Variants in LRP11 observed in about 807,000 individuals in gnomAD.
The protein encoded by LRP11 is LDL receptor related protein 11.
In LRP11, 25 loss-of-function variants were observed where a neutral mutation model predicts 43.1. The observed-to-expected ratio is 0.58, with a 90% CI of 0.42 to 0.81. The LOEUF (loss-of-function observed/expected upper bound fraction) is 0.81. Among genes scored for constraint, LRP11 ranks in the 30% least tolerant of loss-of-function variants. LRP11 has a pLI of 0.00. For missense variants in LRP11, 623 were observed against 665.1 expected, an observed-to-expected ratio of 0.94 and a Z score of 0.70; for synonymous variants, 316 against 299.4, an observed-to-expected ratio of 1.06 and a Z score of -0.57.
chr6:149,862,368 T>C (rs1173060189), intron 1 of LRP11, among the ~76,000 whole-genome samples: 1 of 152,168 alleles, frequency 6.6e-6, no homozygotes, highest in African/African-American at 2.4e-5. Context: ...CAACAGGGCA[T>C]GATTAAACAC....
At chr6:149,860,824 T>C (rs886508483) in intron 1 of LRP11, among the ~76,000 whole-genome samples, 5 of 152,154 alleles carry the variant, frequency 3.3e-5, no homozygotes, top group African/African-American at 9.7e-5. Context: ...GGAGAAAGCA[T>C]AGGAGTTCAG....
intron 6 of LRP11, chr6:149,826,015 T>C (rs995935338): frequency 4.3e-6 from 2 of 463,698 alleles, no homozygotes; most frequent in African/African-American, 3.9e-5. Context: ...GCCACAAGTA[T>C]GACATTTTCC....
Position 149,863,579 on chromosome 6 carries a change from G to T in LRP11, c.442C>A (p.Pro148Thr). Reference protein sequence around the residue: ...PRCSVAVVELPRRPAPPAAVL... With the variant: ...PRCSVAVVELTRRPAPPAAVL... ...GCTGCCGGGGGCGCGGGGCGCCGGG[G>T]CAGCTCCACCACGGCCACGGAGCAG... The change falls in exon 1 of 7, where the codon CCC becomes ACC. Residue 148 changes from proline (P) to threonine (T), a missense_variant. By Grantham distance (38) the Pro-to-Thr change is conservative. Coordinates refer to ENST00000239367, the MANE Select transcript of LRP11 (RefSeq NM_032832.6). 1 of 1,410,208 alleles carries T rather than the reference G, an allele frequency of 7.1e-7. No individual in the cohort carries two copies. Among genetic ancestry groups the T allele is most frequent in the Non-Finnish European group, 9.2e-7 (1 of 1,087,240 alleles). 87.4% of individuals were successfully genotyped at this position (1,410,208 alleles called of 1,614,324 possible).
At chr6:149,830,383 G>A (rs1210224761) in intron 5 of LRP11, among the ~76,000 whole-genome samples, 1 of 152,120 alleles carries the variant, frequency 6.6e-6, no homozygotes, top group Non-Finnish European at 1.5e-5. Flanking sequence ...AGTAATTGGT[G>A]GTGCTGGAAT....
intron 4 of LRP11, among the ~76,000 whole-genome samples, chr6:149,836,528 C>T (rs147260985): frequency 1.2e-3 from 182 of 152,210 alleles, no homozygotes; most frequent in African/African-American, 4.2e-3. Flanking sequence ...AAGAAATGGA[C>T]GGGGCCCAGC....
chr6:149,826,327 C>T lies in LRP11; in HGVS notation c.1285G>A (p.Glu429Lys). ...CCCTTTGACTCAAATATATAACTTT[C>T]CTCTTTTCTGTTCTTCCCTGAGGAA... The part of the protein sequence containing the change: ...SSSSGKNRKE[E>K]SYIFESKGDG... The change falls in exon 6 of 7, where the codon GAA becomes AAA. Residue 429 changes from glutamate (E) to lysine (K), a missense_variant. Transcript: ENST00000239367. 1.9e-6 allele frequency: 3 copies of T among 1,613,670 alleles called. No individual in the cohort carries two copies. Among genetic ancestry groups the T allele is most frequent in the East Asian group, 2.2e-5 (1 of 44,882 alleles).
intron 1 of LRP11, among the ~76,000 whole-genome samples, chr6:149,862,153 C>G (rs891338670): frequency 6.6e-6 from 1 of 152,150 alleles, no homozygotes; most frequent in Non-Finnish European, 1.5e-5. Flanking sequence ...CAAGCAGTCG[C>G]AGGGTGACCC....
intron 1 of LRP11, among the ~76,000 whole-genome samples, chr6:149,860,592 C>G (rs1022550050): frequency 3.3e-5 from 5 of 152,158 alleles, no homozygotes; most frequent in Non-Finnish European, 7.3e-5. Context: ...CAAGCAGACA[C>G]CAAGTCCTGG....
intron 4 of LRP11, among the ~76,000 whole-genome samples, chr6:149,836,641 ATC>A (rs1373624479): frequency 6.6e-6 from 1 of 152,068 alleles, no homozygotes; most frequent in African/African-American, 2.4e-5. Flanking sequence ...GCAAAACCCC[ATC>A]TCTACAAAAA....
intron 6 of LRP11, among the ~76,000 whole-genome samples, chr6:149,821,411 T>C (rs192017572): frequency 6.6e-6 from 1 of 152,356 alleles, no homozygotes; most frequent in Non-Finnish European, 1.5e-5. Flanking sequence ...ATTCTTCAAC[T>C]AAGTATGAAC....
At chr6:149,831,845 T>TAG (rs1470969101) in intron 5 of LRP11, among the ~76,000 whole-genome samples, 2 of 152,138 alleles carry the variant, frequency 1.3e-5, no homozygotes, top group Non-Finnish European at 2.9e-5. Context: ...GTAGTTTTTG[T>TAG]AGAGATGGGG....
chr6:149,861,649 G>T (rs1302740674), intron 1 of LRP11, among the ~76,000 whole-genome samples: 2 of 152,264 alleles, frequency 1.3e-5, no homozygotes, highest in Non-Finnish European at 2.9e-5. Context: ...GAGGAGCTGG[G>T]ATCATAGACA....
At chr6:149,862,251 CAG>C (rs1776915564) in intron 1 of LRP11, among the ~76,000 whole-genome samples, 1 of 152,202 alleles carries the variant, frequency 6.6e-6, no homozygotes, top group African/African-American at 2.4e-5. Context: ...CACAGATTTC[CAG>C]ACTCTTTCAA....
rs1776391470 is a variant in LRP11 at position 149,830,196 on chromosome 6, A to G, written c.1253-3837T>C. ...TGGCTAATTTTTGTATTATTAGTAG[A>G]GATGGGGTTTCTCCGTGTTGGCCAG... On this transcript the variant is annotated intron_variant, in intron 5 of 6. Transcript: ENST00000239367. Among the ~76,000 whole-genome samples, 3 of 151,756 alleles carry G rather than the reference A, an allele frequency of 2.0e-5. No homozygotes were observed. In the South Asian group the frequency reaches 6.3e-4, roughly 32 times the overall value.
At chr6:149,843,594 G>GC (rs1776585178) in intron 2 of LRP11, among the ~76,000 whole-genome samples, 1 of 152,098 alleles carries the variant, frequency 6.6e-6, no homozygotes, top group Non-Finnish European at 1.5e-5. Flanking sequence ...TCTAGTCCTT[G>GC]CCCCCTTTCT....
intron 1 of LRP11, among the ~76,000 whole-genome samples, chr6:149,854,123 T>G (rs1205177906): frequency 6.6e-6 from 1 of 152,144 alleles, no homozygotes; most frequent in Non-Finnish European, 1.5e-5. Context: ...GTATTTACCT[T>G]TGTTTTTGTT....
In LRP11 at chr6:149,852,997, C is replaced by G. The variant is rs201810023; in HGVS notation, c.771+6G>C. On this transcript the variant is annotated splice_donor_region_variant and intron_variant, in intron 2 of 6. Transcript: ENST00000239367. ...CGTTTTTGTTAGCAGTGACAACATG[C>G]GTTACCTTCATGTCCACTGACGGGT... 6.3e-7 allele frequency: 1 copy of G among 1,582,846 alleles called. No homozygotes were observed. The highest frequency in any genetic ancestry group is 8.6e-7 in the Non-Finnish European group (1 of 1,167,128).
intron 1 of LRP11, among the ~76,000 whole-genome samples, chr6:149,859,396 AT>A (rs1163759560): frequency 0.016 from 1,142 of 71,410 alleles, 18 homozygotes; most frequent in East Asian, 0.076. Flanking sequence ...ATATATATAT[AT>A]TTTTTTTTTT....
At chr6:149,860,714 C>T (rs1776879050) in intron 1 of LRP11, among the ~76,000 whole-genome samples, 1 of 152,154 alleles carries the variant, frequency 6.6e-6, no homozygotes, top group Non-Finnish European at 1.5e-5. Flanking sequence ...ACACCTCTCT[C>T]CAGCATCTCT....
Sources: gnomAD v4.1 joint callset for allele counts (sites outside exome capture counted in the v4.1 genomes callset) on GRCh38, gnomAD v4.1.1 for gene constraint, MANE v1.5 for transcripts, NCBI Gene and HGNC (gene_info 2026-07-23, HGNC 2026-07-21) for gene names.